NFIA: variants seen among roughly 807,000 people sequenced by gnomAD.
NFIA encodes the protein nuclear factor 1 A-type.
NFIA carries 8 observed loss-of-function variants against 62.8 expected under a neutral mutation model. That is an observed-to-expected ratio of 0.13 (90% CI 0.07 to 0.23). The LOEUF is 0.23. Among genes scored for constraint, NFIA ranks in the 10% least tolerant of loss-of-function variants. The probability of loss-of-function intolerance (pLI) is 1.00; values close to 1 mark genes in which losing one functional copy is unlikely to be tolerated. For synonymous variants in NFIA, 235 were observed against 238.1 expected (o/e 0.99, Z 0.12); for missense variants, 410 against 642.1 (o/e 0.64, Z 3.91).
At position 61,088,188 on chromosome 1, in the gene NFIA, G is replaced by A. The variant is rs757552796; in HGVS notation, c.67G>A (p.Val23Ile). The change falls in exon 2 of 11, where the codon GTC becomes ATC. Residue 23 changes from valine to isoleucine, a missense_variant. Around this residue, in one of 3 missense-constraint regions of NFIA, gnomAD observed 86 missense variants for 124.6 expected, o/e 0.69. Coordinates refer to ENST00000403491, the MANE Select transcript of NFIA (RefSeq NM_001134673.4). The surrounding 1 kb of genome is among the most constrained non-coding windows in gnomAD (Gnocchi z 4.5). ...TTTCATCGAAGCACTTCTGCCCCAC[G>A]TCCGAGCCTTTGCCTACACATGGTT... ...HPFIEALLPHVRAFAYTWFNL... is the reference protein window; with the variant it reads ...HPFIEALLPHIRAFAYTWFNL... The A allele has an allele frequency of 7.4e-6, 12 of 1,613,104 alleles. No individual in the cohort carries two copies. The highest frequency in any genetic ancestry group is 1.7e-5 in the Admixed American group (1 of 59,854).
chr1:61,237,018 T>C (rs1234275997), intron 2 of NFIA, among the ~76,000 whole-genome samples: 1 of 152,196 alleles, frequency 6.6e-6, no homozygotes, highest in African/African-American at 2.4e-5. Flanking sequence ...CAGTCTAATA[T>C]AAGCTCCTGA....
chr1:61,111,583 C>T (rs1313988178), intron 2 of NFIA, among the ~76,000 whole-genome samples: 1 of 152,110 alleles, frequency 6.6e-6, no homozygotes, highest in Non-Finnish European at 1.5e-5. Flanking sequence ...GATTGTTGTG[C>T]ATTCTATTAA....
chr1:61,356,786 T>C (rs750460564), intron 5 of NFIA, among the ~76,000 whole-genome samples: 2 of 152,184 alleles, frequency 1.3e-5, no homozygotes, highest in African/African-American at 2.4e-5. Flanking sequence ...TTTCCTGTGG[T>C]CTGGCTTTAA....
At chr1:61,384,439 A>G (rs1478034725) in intron 7 of NFIA, among the ~76,000 whole-genome samples, 5 of 152,146 alleles carry the variant, frequency 3.3e-5, no homozygotes, top group African/African-American at 1.2e-4. Flanking sequence ...TACTTGTTTC[A>G]TCTTTAAACA....
chr1:61,175,539 AG>A (rs1317720569), intron 2 of NFIA, among the ~76,000 whole-genome samples: 1 of 152,254 alleles, frequency 6.6e-6, no homozygotes, highest in Non-Finnish European at 1.5e-5. Flanking sequence ...TGTAATTGTT[AG>A]GGTAGAGTAC....
At chr1:61,149,361 A>G (rs1489391101) in intron 2 of NFIA, among the ~76,000 whole-genome samples, 1 of 152,182 alleles carries the variant, frequency 6.6e-6, no homozygotes, top group Non-Finnish European at 1.5e-5. Flanking sequence ...TGTCTTTTCT[A>G]CTACACTTCT....
chr1:61,176,729 T>G (rs1193081134), intron 2 of NFIA, among the ~76,000 whole-genome samples: 1 of 152,192 alleles, frequency 6.6e-6, no homozygotes, highest in African/African-American at 2.4e-5. Context: ...TTTAAAAATT[T>G]TTTTTTCTAT....
intron 2 of NFIA, among the ~76,000 whole-genome samples, chr1:61,121,750 C>G (rs1646890669): frequency 6.6e-6 from 1 of 152,110 alleles, no homozygotes; most frequent in East Asian, 1.9e-4. Flanking sequence ...TTAGTGTAGC[C>G]TCTAGTATTT....
At chr1:61,385,623 C>T (rs1027408381) in intron 7 of NFIA, among the ~76,000 whole-genome samples, 1 of 152,146 alleles carries the variant, frequency 6.6e-6, no homozygotes, top group Admixed American at 6.5e-5. Context: ...TGCCTTAAAA[C>T]TGTAGTTCTA....
chr1:61,109,393 A>G (rs1365843169), intron 2 of NFIA, among the ~76,000 whole-genome samples: 1 of 151,932 alleles, frequency 6.6e-6, no homozygotes, highest in African/African-American at 2.4e-5. Flanking sequence ...TCAAAGATTC[A>G]GAGATACCAC....
intron 2 of NFIA, among the ~76,000 whole-genome samples, chr1:61,141,228 A>T (rs1647504891): frequency 6.6e-6 from 1 of 152,154 alleles, no homozygotes; most frequent in South Asian, 2.1e-4. Flanking sequence ...GTCCTTCTCT[A>T]GAGCCTCAAA....
rs1275056775 is a variant in NFIA, at chr1:61,404,270, G to A, written c.1242G>A (p.Val414=). The A allele has an allele frequency of 1.2e-6, 2 of 1,607,244 alleles. No individual in the cohort carries two copies. The highest frequency in any genetic ancestry group is 1.1e-5 in the South Asian group (1 of 90,008). ...ATGCTGGTCAGCAGGCTGGACAGGTGGGGTTCCTCAATGTAAGGAAACCTC... is the reference window on the plus strand; with the variant it reads ...ATGCTGGTCAGCAGGCTGGACAGGTAGGGTTCCTCAATGTAAGGAAACCTC... ...CPDAGQQAGQ[V]GFLNPNGSSQ... is the part of the protein sequence containing the mutation. Residue 414 remains valine, a synonymous_variant, in exon 8 of 11, where the codon GTG becomes GTA. Transcript: ENST00000403491.
chr1:61,199,108 C>A (rs921887792), intron 2 of NFIA, among the ~76,000 whole-genome samples: 1 of 151,864 alleles, frequency 6.6e-6, no homozygotes, highest in African/African-American at 2.4e-5. Context: ...CAGTAGAATT[C>A]TAAAGACCAG....
At position 61,421,280 on chromosome 1, in the gene NFIA, G is replaced by A. The variant is rs1438245029; in HGVS notation, c.1421-5185G>A. 3.3e-5 allele frequency among the ~76,000 whole-genome samples: 5 copies of A among 152,208 alleles called. No individual in the cohort carries two copies. The East Asian group carries it at 9.6e-4, about 29-fold the overall frequency. On this transcript the variant is annotated intron_variant, in intron 9 of 10. Coordinates refer to ENST00000403491, the MANE Select transcript of NFIA (RefSeq NM_001134673.4). Reference sequence around the variant, plus strand: ...TTGGGGATAGCAGCGTGTCTCACTCGCCTTTGCATCCTCCATAGTGCTCAG... The same window carrying A: ...TTGGGGATAGCAGCGTGTCTCACTCACCTTTGCATCCTCCATAGTGCTCAG...
chr1:61,419,119 A>T (rs1666487707), intron 9 of NFIA, among the ~76,000 whole-genome samples: 1 of 152,176 alleles, frequency 6.6e-6, no homozygotes, highest in Non-Finnish European at 1.5e-5. Flanking sequence ...AAAAACTATT[A>T]TGAGAAAGAA....
chr1:61,112,379 C>T (rs2100455191), intron 2 of NFIA, among the ~76,000 whole-genome samples: 1 of 152,034 alleles, frequency 6.6e-6, no homozygotes, highest in Admixed American at 6.6e-5. Context: ...TACAGAGTAA[C>T]CATGACTTAC....
chr1:61,174,364 T>G (rs973831166), intron 2 of NFIA, among the ~76,000 whole-genome samples: 3 of 152,234 alleles, frequency 2.0e-5, no homozygotes, highest in Non-Finnish European at 4.4e-5. Context: ...TACACACACT[T>G]CACAAAGCAG....
rs1423809689 is a variant in NFIA, at chr1:61,461,272, T to A, written c.*5952T>A. 2.6e-5 allele frequency: 4 copies of A among 152,096 alleles called. No homozygotes were observed. Among genetic ancestry groups the A allele is most frequent in the Admixed American group, 2.0e-4 (3 of 15,258 alleles). 9.4% of individuals were successfully genotyped at this position (152,096 alleles called of 1,614,324 possible). On this transcript the variant is annotated 3_prime_UTR_variant, in exon 11 of 11. Transcript: ENST00000403491. ...TCTGTCTTCACACCAGACCTCCTCA[T>A]ATTAAAAGGAAAAATAAGAAAAAAA...
rs1665711184 is a variant in NFIA, at chr1:61,404,249, T to C, written c.1221T>C (p.Ala407=). Residue 407 remains alanine, a synonymous_variant, in exon 8 of 11, where the codon GCT becomes GCC. Coordinates refer to ENST00000403491, the MANE Select transcript of NFIA (RefSeq NM_001134673.4). ...TTGTCCAACTTGTCTGCCCTGATGC[T>C]GGTCAGCAGGCTGGACAGGTGGGGT... ...KEFVQLVCPD[A]GQQAGQVGFL... is the part of the protein sequence containing the mutation. The C allele has an allele frequency of 1.2e-6, 2 of 1,613,970 alleles. No individual in the cohort carries two copies. The highest frequency in any genetic ancestry group is 3.3e-5 in the Admixed American group (2 of 59,984).
Sources: allele counts gnomAD v4.1 joint callset (sites outside exome capture counted in the v4.1 genomes callset), GRCh38; gene constraint gnomAD v4.1.1; regional missense constraint gnomAD v4.1.1; non-coding constraint Gnocchi (gnomAD v3.1); transcripts MANE v1.5; gene names NCBI Gene and HGNC (gene_info 2026-07-23, HGNC 2026-07-21).